The following SNTB1 variants were observed in gnomAD, a reference collection of about 807,000 sequenced individuals.
SNTB1 encodes syntrophin beta 1.
In SNTB1, 36 loss-of-function variants were observed where a neutral mutation model predicts 48.9. The ratio of observed to expected loss-of-function variants is 0.74; its 90% CI spans 0.56 to 0.97. The LOEUF (loss-of-function observed/expected upper bound fraction) is 0.97, where lower values mean the gene tolerates loss of function less well. SNTB1 is among the 50% of genes least tolerant of loss of function. SNTB1 has a pLI of 0.00. For missense variants in SNTB1, 786 were observed against 703.4 expected (o/e 1.12, Z -1.33); for synonymous variants, 299 against 294.6 (o/e 1.01, Z -0.15).
At chr8:120,634,837 C>T (rs945362863) in intron 2 of SNTB1, among the ~76,000 whole-genome samples, 2 of 151,572 alleles carry the variant, frequency 1.3e-5, no homozygotes, top group African/African-American at 4.9e-5. Context: ...GGAACTTTAG[C>T]CATAATTAGT....
chr8:120,716,554 T>A (rs1818561045), intron 1 of SNTB1, among the ~76,000 whole-genome samples: 1 of 152,168 alleles, frequency 6.6e-6, no homozygotes, highest in Non-Finnish European at 1.5e-5. Context: ...GAGGTTAAGA[T>A]ATAGGTCTCT....
intron 1 of SNTB1, among the ~76,000 whole-genome samples, chr8:120,743,442 T>C (rs1819076862): frequency 6.6e-6 from 1 of 152,190 alleles, no homozygotes; most frequent in Non-Finnish European, 1.5e-5. Context: ...ATATCCGCAA[T>C]GCAGGCAGGA....
chr8:120,751,296 T>C (rs183111547), intron 1 of SNTB1, among the ~76,000 whole-genome samples: 39 of 152,254 alleles, frequency 2.6e-4, no homozygotes, highest in Non-Finnish European at 3.8e-4. Context: ...CTAAAAAAAC[T>C]ATGCAAGGAT....
chr8:120,794,349 C>T (rs551148750), intron 1 of SNTB1, among the ~76,000 whole-genome samples: 2 of 151,994 alleles, frequency 1.3e-5, no homozygotes, highest in African/African-American at 4.8e-5. Context: ...ATTTCTCAGA[C>T]CTTCACATAC....
At chr8:120,778,289 T>C (rs1338422826) in intron 1 of SNTB1, among the ~76,000 whole-genome samples, 1 of 152,168 alleles carries the variant, frequency 6.6e-6, no homozygotes, top group Non-Finnish European at 1.5e-5. Flanking sequence ...AGCTAAAAAC[T>C]TACAGAAAGA....
intron 4 of SNTB1, among the ~76,000 whole-genome samples, chr8:120,574,151 G>A (rs1815908302): frequency 1.3e-5 from 2 of 152,182 alleles, no homozygotes; most frequent in African/African-American, 4.8e-5. Context: ...ATTTATATGA[G>A]GAATCTAAAA....
rs753833710 is a variant in SNTB1, at chr8:120,811,708, G to C, written c.136C>G (p.Leu46Val). 1.0e-4 allele frequency: 161 copies of C among 1,578,890 alleles called. 1 individual carries two copies. Among genetic ancestry groups the C allele is most frequent in the Non-Finnish European group, 1.5e-5 (17 of 1,167,374 alleles). The change falls in exon 1 of 7, where the codon CTG becomes GTG. Residue 46 changes from leucine (L) to valine (V), a missense_variant. Leu to Val is a conservative substitution (Grantham distance 32, BLOSUM62 1). Coordinates refer to ENST00000517992, the MANE Select transcript of SNTB1 (RefSeq NM_021021.4). ...GCGCCCTCCTCGCTGCTCAGAACCA[G>C]GGCGTCCTCGCTCAAGTTCACCAGA... ...KVLVNLSEDA[L>V]VLSSEEGAAA... is the part of the protein sequence containing the mutation.
At chr8:120,728,481 C>T (rs1285189960) in intron 1 of SNTB1, among the ~76,000 whole-genome samples, 1 of 152,088 alleles carries the variant, frequency 6.6e-6, no homozygotes, top group Non-Finnish European at 1.5e-5. Context: ...CAACCCTTGT[C>T]CCCACTCCCT....
At chr8:120,677,803 T>G (rs191423271) in intron 2 of SNTB1, among the ~76,000 whole-genome samples, 213 of 152,284 alleles carry the variant, frequency 1.4e-3, no homozygotes, top group African/African-American at 4.8e-3. Context: ...AGATAATAAG[T>G]AGAAAAGATG....
At chr8:120,739,817 AT>A (rs1819013272) in intron 1 of SNTB1, among the ~76,000 whole-genome samples, 1 of 152,102 alleles carries the variant, frequency 6.6e-6, no homozygotes, top group East Asian at 1.9e-4. Flanking sequence ...TCTTCTTTAC[AT>A]TTTTGCCTTC....
intron 1 of SNTB1, among the ~76,000 whole-genome samples, chr8:120,714,392 T>C (rs928364391): frequency 6.6e-6 from 1 of 152,032 alleles, no homozygotes; most frequent in Non-Finnish European, 1.5e-5. Context: ...ATGAGTAGGA[T>C]ACAAATACTC....
intron 3 of SNTB1, among the ~76,000 whole-genome samples, chr8:120,616,935 C>A (rs536134052): frequency 1.3e-5 from 2 of 152,294 alleles, no homozygotes; most frequent in African/African-American, 4.8e-5. Flanking sequence ...AGAGCGAGGC[C>A]AGCAGCCTGG....
intron 1 of SNTB1, among the ~76,000 whole-genome samples, chr8:120,752,987 G>GAAAAAA (rs60198716): frequency 1.3e-5 from 1 of 76,564 alleles, no homozygotes; most frequent in African/African-American, 4.1e-5. Context: ...AAAGCTGGAA[G>GAAAAAA]AAAAAAAAAA....
Position 120,586,598 on chromosome 8 carries a change from C to T in SNTB1, c.997-11373G>A, listed in dbSNP as rs147296438. 2.9e-4 allele frequency among the ~76,000 whole-genome samples: 44 copies of T among 152,246 alleles called. 1 individual carries two copies. The highest frequency in any genetic ancestry group is 1.0e-3 in the African/African-American group (42 of 41,522). On this transcript the variant is annotated intron_variant, in intron 3 of 6. Transcript: ENST00000517992. ...TGACACTGGGCCCATCTGGATGATC[C>T]GGGATCCTCTCTCCATCTCAAGATC...
rs764101693 is a variant in SNTB1, at chr8:120,632,479, G to A, written c.961C>T (p.Arg321Ter). The A allele has an allele frequency of 1.9e-5, 30 of 1,614,006 alleles. No individual in the cohort carries two copies. Among genetic ancestry groups the A allele is most frequent in the Non-Finnish European group, 2.2e-5 (26 of 1,180,010 alleles). ...QLGKTGIAGS[R>*]EIRHLGWLAE... is the part of the protein sequence containing the mutation. ...AGCCAGCCAAGATGCCTAATCTCTC[G>A]GCTCCCAGCAATGCCTGTTTTCCCC... Residue 321 changes from arginine (R) to a stop codon, truncating the protein, a stop_gained, in exon 3 of 7, where the codon CGA becomes TGA. Coordinates refer to ENST00000517992, the MANE Select transcript of SNTB1 (RefSeq NM_021021.4). LOFTEE classifies it high-confidence loss of function.
chr8:120,731,355 A>G (rs1038046520), intron 1 of SNTB1, among the ~76,000 whole-genome samples: 35 of 152,178 alleles, frequency 2.3e-4, no homozygotes, highest in African/African-American at 8.2e-4. Flanking sequence ...AATATACAGG[A>G]AACACACGTG....
intron 1 of SNTB1, among the ~76,000 whole-genome samples, chr8:120,781,385 A>G (rs1819828117): frequency 6.6e-6 from 1 of 152,172 alleles, no homozygotes; most frequent in Admixed American, 6.5e-5. Context: ...TTTTTTAACC[A>G]AAGATATTTT....
At chr8:120,560,993 G>A (rs930872734) in intron 4 of SNTB1, among the ~76,000 whole-genome samples, 1 of 151,918 alleles carries the variant, frequency 6.6e-6, no homozygotes, top group Non-Finnish European at 1.5e-5. Flanking sequence ...ACAAAAAAAG[G>A]GCCAAGCTCC....
intron 3 of SNTB1, among the ~76,000 whole-genome samples, chr8:120,602,183 A>G (rs1030639317): frequency 6.6e-6 from 1 of 152,230 alleles, no homozygotes; most frequent in African/African-American, 2.4e-5. Flanking sequence ...CCCATGACTC[A>G]CAGTAATGAA....
Sources: gnomAD v4.1 joint callset for allele counts (sites outside exome capture counted in the v4.1 genomes callset) on GRCh38, gnomAD v4.1.1 for gene constraint, MANE v1.5 for transcripts, NCBI Gene and HGNC (gene_info 2026-07-23, HGNC 2026-07-21) for gene names.